Variants in ABHD17C observed in about 807,000 individuals in gnomAD.
The protein encoded by ABHD17C is alpha/beta hydrolase domain-containing protein 17C.
A neutral mutation model predicts 27.9 loss-of-function variants in ABHD17C; 11 were observed. That is an observed-to-expected ratio of 0.39 (90% confidence interval 0.25 to 0.65). The LOEUF is 0.65. Among genes scored for constraint, ABHD17C ranks in the 30% least tolerant of loss-of-function variants. The pLI, the probability that ABHD17C is intolerant of heterozygous loss-of-function variation, is 0.45. For missense variants in ABHD17C, 280 were observed against 470.2 expected (o/e 0.60, Z 3.74); for synonymous variants, 233 against 209.1 (o/e 1.11, Z -0.98).
intron 1 of ABHD17C, among the ~76,000 whole-genome samples, chr15:80,717,550 T>G (rs1434567257): frequency 6.6e-6 from 1 of 152,100 alleles, no homozygotes; most frequent in East Asian, 1.9e-4. Flanking sequence ...TGCACCACCA[T>G]GCCTGGCTAA....
intron 1 of ABHD17C, among the ~76,000 whole-genome samples, chr15:80,740,155 T>C (rs1895189489): frequency 6.6e-6 from 1 of 152,168 alleles, no homozygotes; most frequent in African/African-American, 2.4e-5. Context: ...AGACCTGTGG[T>C]AGACTTGACC....
chr15:80,741,481 A>T (rs931356906), intron 1 of ABHD17C, among the ~76,000 whole-genome samples: 2 of 150,582 alleles, frequency 1.3e-5, no homozygotes, highest in African/African-American at 4.9e-5. Context: ...AGCCCTGTAC[A>T]TGCAGCAAAA....
chr15:80,747,848 G>A (rs1283061198), intron 1 of ABHD17C, among the ~76,000 whole-genome samples: 1 of 152,032 alleles, frequency 6.6e-6, no homozygotes, highest in Non-Finnish European at 1.5e-5. Context: ...GTCCCCTGCC[G>A]GATCTCCCAG....
rs546646782 is a variant in ABHD17C at position 80,748,648 on chromosome 15, G to A, written c.591-865G>A. ...ACATCCTTTGTAGGATAATAAGAGA[G>A]CATGTATTTTCCCGGGTTCCTTCTA... On this transcript the variant is annotated intron_variant, in intron 1 of 2. Coordinates refer to ENST00000258884, the MANE Select transcript of ABHD17C (RefSeq NM_021214.2). 7.3e-5 allele frequency among the ~76,000 whole-genome samples: 11 copies of A among 150,372 alleles called. No homozygotes were observed. The South Asian group carries it at 2.4e-3, about 32-fold the overall frequency.
At chr15:80,748,339 A>G (rs1237188469) in intron 1 of ABHD17C, among the ~76,000 whole-genome samples, 5 of 152,194 alleles carry the variant, frequency 3.3e-5, no homozygotes, top group Non-Finnish European at 7.3e-5. Context: ...CACGGGCTTC[A>G]ACTTTTCCAG....
chr15:80,731,440 G>A (rs903391547), intron 1 of ABHD17C, among the ~76,000 whole-genome samples: 1 of 152,106 alleles, frequency 6.6e-6, no homozygotes, highest in Non-Finnish European at 1.5e-5. Flanking sequence ...AGGAGGAGAG[G>A]TAATGGAAGG....
intron 2 of ABHD17C, 63 bp downstream of exon 2, chr15:80,749,755 C>A: frequency 6.6e-7 from 1 of 1,522,132 alleles, no homozygotes; most frequent in Non-Finnish European, 9.0e-7. Context: ...ATCTGATGCT[C>A]CCATAAATAT....
At chr15:80,713,033 C>T (rs943056014) in intron 1 of ABHD17C, among the ~76,000 whole-genome samples, 8 of 152,092 alleles carry the variant, frequency 5.3e-5, no homozygotes, top group African/African-American at 1.9e-4. Flanking sequence ...CTTACAGCAT[C>T]TACAGTTCCA....
intron 1 of ABHD17C, among the ~76,000 whole-genome samples, chr15:80,730,638 C>T (rs1485995556): frequency 1.3e-5 from 2 of 152,168 alleles, no homozygotes; most frequent in African/African-American, 4.8e-5. Context: ...AAATGTAAGA[C>T]ACCAAGGTTG....
At chr15:80,744,921 T>C (rs1454877024) in intron 1 of ABHD17C, among the ~76,000 whole-genome samples, 1 of 152,240 alleles carries the variant, frequency 6.6e-6, no homozygotes. Flanking sequence ...GTTGATTCTT[T>C]ATGAGACATC....
chr15:80,706,433 T>C (rs1894650228), intron 1 of ABHD17C, among the ~76,000 whole-genome samples: 1 of 152,240 alleles, frequency 6.6e-6, no homozygotes, highest in Admixed American at 6.5e-5. Context: ...AACAGAGTAC[T>C]GTTTAAATTT....
intron 1 of ABHD17C, among the ~76,000 whole-genome samples, chr15:80,746,731 G>T (rs982013521): frequency 6.6e-6 from 1 of 152,224 alleles, no homozygotes; most frequent in South Asian, 2.1e-4. Flanking sequence ...TGGCCAGGGC[G>T]CTTCCCTCTG....
At chr15:80,710,275 GAGGAGTAGT>G (rs892960224) in intron 1 of ABHD17C, among the ~76,000 whole-genome samples, 1 of 152,230 alleles carries the variant, frequency 6.6e-6, no homozygotes, top group East Asian at 1.9e-4. Flanking sequence ...GCAGGGGTAA[GAGGAGTAGT>G]AGGAGATGAG....
intron 1 of ABHD17C, among the ~76,000 whole-genome samples, chr15:80,724,113 G>A (rs1894938883): frequency 6.6e-6 from 1 of 152,036 alleles, no homozygotes; most frequent in Non-Finnish European, 1.5e-5. Context: ...TGAGGTGGGA[G>A]GGTTGCTTGA....
chr15:80,748,222 A>G (rs1376265970), intron 1 of ABHD17C, among the ~76,000 whole-genome samples: 1 of 152,176 alleles, frequency 6.6e-6, no homozygotes, highest in Admixed American at 6.5e-5. Context: ...CATTTCCATC[A>G]GCTGTGGATT....
rs1465698506 is a variant in ABHD17C, at chr15:80,695,990, C to T, written c.561C>T (p.Ile187=). 1.3e-6 allele frequency: 2 copies of T among 1,583,348 alleles called. No individual in the cohort carries two copies. Among genetic ancestry groups the T allele is most frequent in the South Asian group, 2.2e-5 (2 of 89,034 alleles). The stretch of plus-strand genomic sequence containing the variant: ...CCGAGAAGAACCTCTACGCCGACAT[C>T]GACGCCGCGTGGCAGGCGCTGCGCA... ...KPSEKNLYAD[I]DAAWQALRTR... The change falls in exon 1 of 3, where the codon ATC becomes ATT. Residue 187 remains isoleucine (I), a synonymous_variant. Coordinates refer to ENST00000258884, the MANE Select transcript of ABHD17C (RefSeq NM_021214.2). The surrounding 1 kb of genome is among the most constrained non-coding windows in gnomAD (Gnocchi z 4.3).
chr15:80,729,205 A>T (rs1293357755), intron 1 of ABHD17C, among the ~76,000 whole-genome samples: 1 of 152,216 alleles, frequency 6.6e-6, no homozygotes, highest in Non-Finnish European at 1.5e-5. Flanking sequence ...GGGAGGCCTC[A>T]CAGAGAGAAC....
At chr15:80,721,721 G>A (rs6495520) in intron 1 of ABHD17C, among the ~76,000 whole-genome samples, 5,336 of 152,256 alleles carry the variant, frequency 0.035, 319 homozygotes, top group African/African-American at 0.12. Context: ...GGTTTCCTCT[G>A]TGCAGCGTAA....
intron 1 of ABHD17C, among the ~76,000 whole-genome samples, chr15:80,725,971 G>C (rs1430221988): frequency 6.6e-6 from 1 of 152,168 alleles, no homozygotes; most frequent in Non-Finnish European, 1.5e-5. Context: ...GGGTCTCACA[G>C]CCTTCAGAGC....
Sources: allele counts gnomAD v4.1 joint callset (sites outside exome capture counted in the v4.1 genomes callset), GRCh38; gene constraint gnomAD v4.1.1; non-coding constraint Gnocchi (gnomAD v3.1); transcripts MANE v1.5; gene names NCBI Gene and HGNC (gene_info 2026-07-23, HGNC 2026-07-21).